The following CLCN7 variants were observed in gnomAD, a reference collection of about 807,000 sequenced individuals.
The protein encoded by CLCN7 is H(+)/Cl(-) exchange transporter 7.
CLCN7 carries 60 observed loss-of-function variants against 102.1 expected under a neutral mutation model. That is an observed-to-expected ratio of 0.59 (90% CI 0.48 to 0.73). CLCN7 has a LOEUF of 0.73. Among genes scored for constraint, CLCN7 ranks in the 30% least tolerant of loss-of-function variants. The pLI is 0.00. For missense variants in CLCN7, 962 were observed against 1,125.7 expected (o/e 0.85, Z 2.08); for synonymous variants, 560 against 490.5 (o/e 1.14, Z -1.87).
In CLCN7 at chr16:1,459,139, C is replaced by T. The variant is rs397515539; in HGVS notation, c.643G>A (p.Gly215Arg). The change falls in exon 7 of 25, where the codon GGG becomes AGG. Residue 215 changes from glycine to arginine, a missense_variant. Physicochemically the swap from Gly to Arg is moderately radical, Grantham distance 125. Transcript: ENST00000382745. ...CGCACCACGTGGGGGATCTTCACCC[C>T]GTTGAGGAAGCACTTGATCTGGGGG... ...GIPQIKCFLN[G>R]VKIPHVVRLK... 1 of 1,613,134 alleles carries T rather than the reference C, an allele frequency of 6.2e-7. No individual in the cohort carries two copies. The highest frequency in any genetic ancestry group is 8.5e-7 in the Non-Finnish European group (1 of 1,179,774).
intron 1 of CLCN7, among the ~76,000 whole-genome samples, chr16:1,469,101 G>C (rs970708271): frequency 6.6e-6 from 1 of 151,900 alleles, no homozygotes; most frequent in African/African-American, 2.4e-5. Context: ...AGCTACTCGG[G>C]AGGCTAAGGC....
chr16:1,465,477 T>C (rs2038992731), intron 1 of CLCN7, 139 bp from the exon 2 acceptor site: 1 of 776,600 alleles, frequency 1.3e-6, no homozygotes. Context: ...GCCTGCCTGC[T>C]GGGTGGGGGC....
intron 2 of CLCN7, among the ~76,000 whole-genome samples, chr16:1,464,377 C>T (rs1375451024): frequency 6.6e-6 from 1 of 152,196 alleles, no homozygotes; most frequent in Non-Finnish European, 1.5e-5. Context: ...AAGCTGACAC[C>T]AGAGCAAAGG....
intron 1 of CLCN7, among the ~76,000 whole-genome samples, chr16:1,469,973 G>T (rs772421726): frequency 2.6e-5 from 4 of 152,218 alleles, no homozygotes; most frequent in Non-Finnish European, 5.9e-5. Context: ...GACAGCTCCC[G>T]CAGGTCCACT....
chr16:1,450,016 T>A (rs1567265465), intron 17 of CLCN7: 2 of 177,504 alleles, frequency 1.1e-5, no homozygotes, highest in African/African-American at 4.8e-5. Flanking sequence ...CAGTCTTATT[T>A]AAGCGACTGA....
Position 1,460,427 on chromosome 16 carries a change from A to G in CLCN7, c.585T>C (p.Ala195=). The change falls in exon 6 of 25, where the codon GCT becomes GCC. Residue 195 remains alanine, a synonymous_variant. Coordinates refer to ENST00000382745, the MANE Select transcript of CLCN7 (RefSeq NM_001287.6). ...AFVLVGSVIV[A]FIEPVAAGSG... The stretch of plus-strand genomic sequence containing the variant: ...GCATCCTGCCACCCACCTCTATGAA[A>G]GCCACAATCACAGAGCCCACGAGCA... 1 of 1,612,518 alleles carries G rather than the reference A, an allele frequency of 6.2e-7. No homozygotes were observed. Among genetic ancestry groups the G allele is most frequent in the Non-Finnish European group, 8.5e-7 (1 of 1,178,900 alleles).
At chr16:1,467,725 T>G (rs1190526809) in intron 1 of CLCN7, 1 of 152,336 alleles carries the variant, frequency 6.6e-6, no homozygotes, top group Non-Finnish European at 1.5e-5. Context: ...ACTCAAGATG[T>G]CAGCACTTCT....
rs549187742 is a variant in CLCN7 at position 1,462,680 on chromosome 16, A to C, written c.214-1006T>G. On this transcript the variant is annotated intron_variant, in intron 2 of 24. Transcript: ENST00000382745. ...AAAAAAAAGCCAAAAAAAAAAAAAA[A>C]AAAAAAACCAGGCATGGTACTGGCA... is the stretch of plus-strand genomic sequence containing the variant. 7.7e-3 allele frequency among the ~76,000 whole-genome samples: 1,156 copies of C among 150,966 alleles called. 7 individuals are homozygous for C. The highest frequency in any genetic ancestry group is 0.017 in the South Asian group (79 of 4,732).
intron 1 of CLCN7, 49 bp from the exon 2 acceptor site, chr16:1,465,387 G>A: frequency 6.6e-7 from 1 of 1,523,800 alleles, no homozygotes; most frequent in Non-Finnish European, 9.0e-7. Flanking sequence ...CGCACGCTCT[G>A]CTCCGTGGAT....
intron 17 of CLCN7, 98 bp from the exon 18 acceptor site, chr16:1,449,425 C>A (rs901990969): frequency 8.4e-7 from 1 of 1,185,006 alleles, no homozygotes; most frequent in African/African-American, 1.5e-5. Context: ...CCAGCAGCCC[C>A]ACAGCCAGGA....
At position 1,473,370 on chromosome 16, in the gene CLCN7, C is replaced by CTTTTT. The variant is rs779736867; in HGVS notation, c.141+1459_141+1463dup. ...GGCTGATTTTCGTGTCCTTCCTAAA[C>CTTTTT]TTTTTTTTTTTTTTTTTTTTTTTTG... On this transcript the variant is annotated intron_variant, in intron 1 of 24. Transcript: ENST00000382745. 2.7e-3 allele frequency among the ~76,000 whole-genome samples: 204 copies of CTTTTT among 76,700 alleles called. 9 individuals carry two copies. The highest frequency in any genetic ancestry group is 8.4e-3 in the East Asian group (20 of 2,378). 50.3% of individuals were successfully genotyped at this position (76,700 alleles called of 152,430 possible). A position where few individuals can be genotyped will look rare whatever the true frequency, so the allele number is the denominator to read the frequency against.
chr16:1,446,859 G>A (rs941078868), intron 24 of CLCN7, 142 bp from the exon 25 acceptor site: 2 of 1,100,076 alleles, frequency 1.8e-6, no homozygotes, highest in Admixed American at 4.0e-5. Flanking sequence ...GCACGGGGCT[G>A]GGGAGGGGTG....
At chr16:1,471,060 A>G (rs1451389772) in intron 1 of CLCN7, among the ~76,000 whole-genome samples, 1 of 152,142 alleles carries the variant, frequency 6.6e-6, no homozygotes, top group Non-Finnish European at 1.5e-5. Context: ...CCACCAGATG[A>G]GCAGTGACTG....
At chr16:1,447,164 C>G in intron 23 of CLCN7, 78 bp from the exon 24 acceptor site, 1 of 1,373,210 alleles carries the variant, frequency 7.3e-7, no homozygotes. Flanking sequence ...TGGCTCCCTG[C>G]ACCCCCCACC....
chr16:1,447,735 C>A, intron 21 of CLCN7, 21 bp from the exon 22 acceptor site: 1 of 1,549,148 alleles, frequency 6.5e-7, no homozygotes, highest in South Asian at 1.2e-5. Context: ...GGCCCGCGGT[C>A]AGGGCCACGG....
intron 1 of CLCN7, chr16:1,474,236 C>G (rs1369186900): frequency 6.6e-6 from 3 of 455,606 alleles, no homozygotes; most frequent in Non-Finnish European, 1.3e-5. Flanking sequence ...TGTTTGCCTG[C>G]ACATTGCAAA....
intron 15 of CLCN7, chr16:1,451,936 G>A (rs1162709205): frequency 1.1e-5 from 6 of 566,896 alleles, no homozygotes; most frequent in South Asian, 1.8e-5. Context: ...GGACACACAC[G>A]GCCTAGGCCC....
chr16:1,446,775 G>C, intron 24 of CLCN7, 58 bp from the exon 25 acceptor site: 1 of 1,431,358 alleles, frequency 7.0e-7, no homozygotes, highest in Non-Finnish European at 9.6e-7. Flanking sequence ...TGCCTGTGGA[G>C]CTCCCTGCCT....
chr16:1,470,111 T>C (rs1170762250), intron 1 of CLCN7, among the ~76,000 whole-genome samples: 1 of 152,212 alleles, frequency 6.6e-6, no homozygotes, highest in East Asian at 1.9e-4. Context: ...TGTGTAACAC[T>C]AAGAGCGTGC....
Sources: allele counts gnomAD v4.1 joint callset (sites outside exome capture counted in the v4.1 genomes callset), GRCh38; gene constraint gnomAD v4.1.1; transcripts MANE v1.5; gene names NCBI Gene and HGNC (gene_info 2026-07-23, HGNC 2026-07-21).